The following RP1L1 variants were observed in gnomAD, a reference collection of about 807,000 sequenced individuals.
RP1L1 encodes the protein retinitis pigmentosa 1-like 1 protein.
RP1L1 carries 27 observed loss-of-function variants against 15.7 expected under a neutral mutation model. The ratio of observed to expected loss-of-function variants is 1.72; its 90% CI spans 1.27 to 2.38. RP1L1 has a LOEUF of 2.38. Ranked by LOEUF, RP1L1 falls within the 30% of genes most tolerant of loss-of-function variation. The probability of loss-of-function intolerance (pLI) is 0.00; values close to 1 mark genes in which losing one functional copy is unlikely to be tolerated. For synonymous variants in RP1L1, 1,813 were observed against 1,276.7 expected (o/e 1.42, Z -8.96); for missense variants, 4,798 against 3,075.9 (o/e 1.56, Z -13.24).
intron 1 of RP1L1, among the ~76,000 whole-genome samples, chr8:10,649,021 T>C (rs924676328): frequency 3.9e-5 from 6 of 152,086 alleles, no homozygotes; most frequent in African/African-American, 1.5e-4. Flanking sequence ...AGCCCTACTT[T>C]CATGCGGAGC....
intron 1 of RP1L1, among the ~76,000 whole-genome samples, chr8:10,626,561 C>T (rs933182391): frequency 6.6e-6 from 1 of 152,204 alleles, no homozygotes; most frequent in Non-Finnish European, 1.5e-5. Flanking sequence ...TCAGCACCAC[C>T]TTCCAGTGGC....
chr8:10,624,300 A>G (rs1798122529), intron 1 of RP1L1, among the ~76,000 whole-genome samples: 2 of 152,212 alleles, frequency 1.3e-5, no homozygotes, highest in Non-Finnish European at 2.9e-5. Context: ...ATCTTCAGAA[A>G]CTTCACATTC....
At chr8:10,631,326 C>G (rs1446217543) in intron 1 of RP1L1, among the ~76,000 whole-genome samples, 3 of 48,454 alleles carry the variant, frequency 6.2e-5, no homozygotes, top group Non-Finnish European at 2.2e-4. Flanking sequence ...CACACACGCA[C>G]ACACACATGC....
rs189109596 is a variant in RP1L1, at chr8:10,654,927, C to T, written c.-49G>A. On this transcript the variant is annotated 5_prime_UTR_variant, in exon 1 of 4. Transcript: ENST00000382483. Reference sequence around the variant, plus strand: ...CTCCAGGGAGCACAAGGGCATGGCTCAGCCCCTAAGCCTCAGGGGGACGTC... The same window carrying T: ...CTCCAGGGAGCACAAGGGCATGGCTTAGCCCCTAAGCCTCAGGGGGACGTC... 10 of 152,924 alleles carry T rather than the reference C, an allele frequency of 6.5e-5. No individual in the cohort carries two copies. Among genetic ancestry groups the T allele is most frequent in the Admixed American group, 5.2e-4 (8 of 15,314 alleles). The allele number at this position is 152,924 out of a possible 1,614,324, so 9.5% of individuals were successfully genotyped here.
chr8:10,639,605 C>T (rs1320819820), intron 1 of RP1L1, among the ~76,000 whole-genome samples: 1 of 152,082 alleles, frequency 6.6e-6, no homozygotes, highest in African/African-American at 2.4e-5. Context: ...AACACCTGAC[C>T]CTGAGCAGTC....
rs151260617 is a variant in RP1L1 at position 10,609,233 on chromosome 8, C to G, written c.4865G>C (p.Arg1622Pro). 1.2e-6 allele frequency: 2 copies of G among 1,609,396 alleles called. No individual in the cohort carries two copies. The highest frequency in any genetic ancestry group is 2.2e-5 in the East Asian group (1 of 44,854). The part of the protein sequence containing the change: ...GLRNLSAFSE[R>P]TLGLGPLSFT... ...GGAGAGGGGCCCCAGGCCCAGGGTCCGCTCAGAGAAGGCCGAGAGGTTTCG... is the reference window on the plus strand; with the variant it reads ...GGAGAGGGGCCCCAGGCCCAGGGTCGGCTCAGAGAAGGCCGAGAGGTTTCG... The change falls in exon 4 of 4, where the codon CGG becomes CCG. Residue 1622 changes from arginine to proline, a missense_variant. Physicochemically the swap from Arg to Pro is moderately radical, Grantham distance 103 (BLOSUM62 -2). Transcript: ENST00000382483.
chr8:10,622,948 C>T lies in RP1L1; in HGVS notation c.254G>A (p.Arg85Gln), dbSNP rs371272609. The part of the protein sequence containing the change: ...SFGVRSVTTP[R>Q]GLHSLSALEQ... ...CAGGGCGCTGAGGCTATGCAGGCCC[C>T]GGGGTGTGGTGACAGAGCGCACCCC... Residue 85 changes from arginine (R) to glutamine (Q), a missense_variant, in exon 2 of 4, where the codon CGG becomes CAG. Transcript: ENST00000382483. 38 of 1,614,048 alleles carry T rather than the reference C, an allele frequency of 2.4e-5. No homozygotes were observed. Among genetic ancestry groups the T allele is most frequent in the South Asian group, 5.5e-5 (5 of 91,074 alleles).
chr8:10,648,696 A>T (rs1338371806), intron 1 of RP1L1, among the ~76,000 whole-genome samples: 4 of 152,238 alleles, frequency 2.6e-5, no homozygotes, highest in African/African-American at 9.6e-5. Flanking sequence ...AATGAGATCC[A>T]GTTGGCCTTG....
chr8:10,608,311 C>T lies in RP1L1; in HGVS notation c.5787G>A (p.Gly1929=), dbSNP rs1207555519. 6.2e-7 allele frequency: 1 copy of T among 1,612,794 alleles called. No homozygotes were observed. The highest frequency in any genetic ancestry group is 8.5e-7 in the Non-Finnish European group (1 of 1,179,816). The change falls in exon 4 of 4, where the codon GGG becomes GGA. Residue 1929 remains glycine (G), a synonymous_variant. Transcript: ENST00000382483. ...CACCTTCTGACTCTGGCTCGTCCTC[C>T]CCTTCAGTCTCCAGGGCCTCTACAC... The part of the protein sequence containing the change: ...TESVEALETE[G]EDEPESEGAE...
chr8:10,617,585 C>G (rs551016269), intron 2 of RP1L1, among the ~76,000 whole-genome samples: 11 of 102,290 alleles, frequency 1.1e-4, no homozygotes, highest in African/African-American at 3.8e-4. Context: ...GAGACGGAGT[C>G]TCGATCTGTC....
chr8:10,627,242 T>A (rs982502241), intron 1 of RP1L1, among the ~76,000 whole-genome samples: 21 of 152,032 alleles, frequency 1.4e-4, no homozygotes, highest in Non-Finnish European at 4.4e-5. Flanking sequence ...CAAACATTCA[T>A]CCGCGGATGA....
In RP1L1 at chr8:10,609,327, G is replaced by C; in HGVS notation, c.4771C>G (p.Pro1591Ala). 1.2e-6 allele frequency: 2 copies of C among 1,611,994 alleles called. No individual in the cohort carries two copies. Among genetic ancestry groups the C allele is most frequent in the Non-Finnish European group, 1.7e-6 (2 of 1,179,804 alleles). ...AGCTCCCCGGTGAGGGCCTCCCTTG[G>C]AGGCTCCAGCACCATCCTACCCGCC... ...GRAGRMVLEP[P>A]REALTGELLL... The change falls in exon 4 of 4, where the codon CCA (proline) becomes GCA (alanine). Residue 1591 changes from proline (P) to alanine (A), a missense_variant. Pro to Ala is a conservative substitution (Grantham distance 27). Coordinates refer to ENST00000382483, the MANE Select transcript of RP1L1 (RefSeq NM_178857.6).
rs1240908237 is a variant in RP1L1, at chr8:10,610,460, C to T, written c.3638G>A (p.Ser1213Asn). The change falls in exon 4 of 4, where the codon AGT (serine) becomes AAT (asparagine). Residue 1213 changes from serine to asparagine, a missense_variant. Transcript: ENST00000382483. ...ISSGSGGSGE[S>N]SVPCAMDGTL... ...GCCGTCCATGGCACAGGGTACGCTA[C>T]TCTCCCCTGAGCCTCCAGAGCCGCT... 3.1e-6 allele frequency: 5 copies of T among 1,613,670 alleles called. No homozygotes were observed. Among genetic ancestry groups the T allele is most frequent in the Non-Finnish European group, 3.4e-6 (4 of 1,180,016 alleles).
intron 1 of RP1L1, among the ~76,000 whole-genome samples, chr8:10,625,759 G>A (rs1480634785): frequency 6.6e-6 from 1 of 152,180 alleles, no homozygotes; most frequent in African/African-American, 2.4e-5. Context: ...GGCCTGGCAG[G>A]AAGCGGGGAG....
In RP1L1 at chr8:10,613,134, A is replaced by G; in HGVS notation, c.964T>C (p.Ser322Pro). The change falls in exon 4 of 4, where the codon TCC (serine) becomes CCC (proline). Residue 322 changes from serine (S) to proline (P), a missense_variant. Transcript: ENST00000382483. ...KVRMNEDGSL[S>P]VEMKVRFHLV... ...TGGAAGCGGACTTTCATCTCCACGG[A>G]CAGGCTGCCGTCCTCATTCATGCGG... 1 of 1,613,876 alleles carries G rather than the reference A, an allele frequency of 6.2e-7. No homozygotes were observed. The highest frequency in any genetic ancestry group is 8.5e-7 in the Non-Finnish European group (1 of 1,180,022).
chr8:10,626,004 G>GA (rs564364476), intron 1 of RP1L1, among the ~76,000 whole-genome samples: 325 of 152,224 alleles, frequency 2.1e-3, no homozygotes, highest in Non-Finnish European at 3.8e-3. Context: ...CTGTGTGTGG[G>GA]AGGGGGTAGA....
chr8:10,608,187 G>A lies in RP1L1; in HGVS notation c.5911C>T (p.Gln1971Ter), dbSNP rs201971119. The A allele has an allele frequency of 5.0e-6, 8 of 1,611,754 alleles. No homozygotes were observed. Among genetic ancestry groups the A allele is most frequent in the Non-Finnish European group, 6.8e-6 (8 of 1,179,724 alleles). Residue 1971 changes from glutamine (Q) to a stop codon, truncating the protein, a stop_gained, in exon 4 of 4, where the codon CAG becomes TAG. Transcript: ENST00000382483. LOFTEE classifies it low-confidence loss of function (END_TRUNC). ...GCCTCTACATCTTCTGACTCTGGCT[G>A]GGCTTCCTCTTCTGCCTCCTGGGAC... ...IESQEAEEEAQPESEDVEALE... is the reference protein window; with the variant it reads ...IESQEAEEEA
rs1798615839 is a variant in RP1L1 at position 10,654,917 on chromosome 8, G to A, written c.-39C>T. The A allele has an allele frequency of 6.5e-6, 1 of 152,778 alleles. No individual in the cohort carries two copies. Among genetic ancestry groups the A allele is most frequent in the African/African-American group, 2.4e-5 (1 of 41,472 alleles). The allele number at this position is 152,778 out of a possible 1,614,324, so 9.5% of individuals were successfully genotyped here. On this transcript the variant is annotated 5_prime_UTR_variant, in exon 1 of 4. Coordinates refer to ENST00000382483, the MANE Select transcript of RP1L1 (RefSeq NM_178857.6). ...ACTCACCGTCCTCCAGGGAGCACAA[G>A]GGCATGGCTCAGCCCCTAAGCCTCA...
intron 2 of RP1L1, among the ~76,000 whole-genome samples, chr8:10,619,918 G>C (rs1468233303): frequency 7.0e-6 from 1 of 143,554 alleles, no homozygotes; most frequent in Non-Finnish European, 1.5e-5. Flanking sequence ...CCAAGATCAT[G>C]CCACTGCGCT....
Sources: gnomAD v4.1 joint callset for allele counts (sites outside exome capture counted in the v4.1 genomes callset) on GRCh38, gnomAD v4.1.1 for gene constraint, MANE v1.5 for transcripts, NCBI Gene and HGNC (gene_info 2026-07-23, HGNC 2026-07-21) for gene names.